Variants in KAZN observed in about 807,000 individuals in gnomAD.
KAZN encodes kazrin.
A neutral mutation model predicts 87.4 loss-of-function variants in KAZN; 40 were observed. The observed-to-expected ratio is 0.46, with a 90% CI of 0.36 to 0.60. The LOEUF (loss-of-function observed/expected upper bound fraction) is 0.60, where lower values mean the gene tolerates loss of function less well. Ranked by LOEUF, KAZN falls within the 20% of genes least tolerant of loss-of-function variation. KAZN has a pLI of 0.00. For missense variants in KAZN, 898 were observed against 1,073.9 expected (o/e 0.84, Z 2.29); for synonymous variants, 466 against 458.3 (o/e 1.02, Z -0.22).
rs974078569 is a variant in KAZN at position 15,096,083 on chromosome 1, C to A, written c.1547+1150C>A. 7.9e-5 allele frequency among the ~76,000 whole-genome samples: 12 copies of A among 152,130 alleles called. No individual in the cohort carries two copies. The highest frequency in any genetic ancestry group is 6.5e-5 in the Admixed American group (1 of 15,276). ...CCAAAAACACCTTACACCCAGCACCCACCTCCTAACCAGTTCCATCCAGGA... is the reference window on the plus strand; with the variant it reads ...CCAAAAACACCTTACACCCAGCACCAACCTCCTAACCAGTTCCATCCAGGA... On this transcript the variant is annotated intron_variant, in intron 10 of 14. Transcript: ENST00000376030. The surrounding 1 kb of genome is among the most constrained non-coding windows in gnomAD (Gnocchi z 4.5).
intron 1 of KAZN, among the ~76,000 whole-genome samples, chr1:14,630,390 C>G (rs1679476075): frequency 6.6e-6 from 1 of 152,120 alleles, no homozygotes; most frequent in Non-Finnish European, 1.5e-5. Context: ...TGTCTGTATA[C>G]TCAACTATGA....
At chr1:14,299,928 A>G (rs558356397) in intron 2 of KAZN, among the ~76,000 whole-genome samples, 1 of 152,164 alleles carries the variant, frequency 6.6e-6, no homozygotes, top group South Asian at 2.1e-4. Context: ...CATTAAGGCA[A>G]TTACAGTGGT....
intron 2 of KAZN, among the ~76,000 whole-genome samples, chr1:14,545,122 T>C (rs114808741): frequency 0.015 from 2,275 of 152,308 alleles, 31 homozygotes; most frequent in Non-Finnish European, 0.023. Flanking sequence ...TTCCTTATAA[T>C]CTTATTTCTC....
intron 2 of KAZN, among the ~76,000 whole-genome samples, chr1:14,341,476 T>C (rs1411388451): frequency 1.3e-5 from 2 of 152,210 alleles, no homozygotes; most frequent in Non-Finnish European, 2.9e-5. Flanking sequence ...ACAGCACCAC[T>C]GTCCTTGTGT....
intron 2 of KAZN, among the ~76,000 whole-genome samples, chr1:14,578,347 C>T (rs532863200): frequency 1.0e-3 from 155 of 152,122 alleles, no homozygotes; most frequent in African/African-American, 3.4e-3. Flanking sequence ...TAAAGGAGCC[C>T]GTGATATTTC....
chr1:14,408,862 G>A (rs1448313292), intron 2 of KAZN, among the ~76,000 whole-genome samples: 10 of 151,930 alleles, frequency 6.6e-5, no homozygotes, highest in East Asian at 1.9e-4. Context: ...TATGGATTGT[G>A]ATCAATTCCA....
intron 1 of KAZN, among the ~76,000 whole-genome samples, chr1:14,139,505 AT>A (rs910980168): frequency 1.3e-5 from 2 of 152,158 alleles, no homozygotes; most frequent in African/African-American, 4.8e-5. Flanking sequence ...CGGCTAGGGA[AT>A]TTTTGTTGTT....
chr1:14,382,936 C>T (rs564535130), intron 2 of KAZN, among the ~76,000 whole-genome samples: 439 of 151,728 alleles, frequency 2.9e-3, no homozygotes, highest in African/African-American at 9.3e-3. Context: ...GTCCCACCAA[C>T]GGTGTAAAAG....
chr1:14,755,086 G>GAAAA (rs763767893), intron 1 of KAZN, among the ~76,000 whole-genome samples: 6,173 of 49,522 alleles, frequency 0.12, 246 homozygotes, highest in Non-Finnish European at 0.17. Context: ...TACTAAAAAT[G>GAAAA]CAAAAAAAAA....
At chr1:14,827,328 T>G (rs1194986654) in intron 1 of KAZN, among the ~76,000 whole-genome samples, 2 of 152,028 alleles carry the variant, frequency 1.3e-5, no homozygotes, top group African/African-American at 4.8e-5. Flanking sequence ...TCTTTAGTGG[T>G]GATTTGTGAG....
chr1:14,290,511 T>C (rs1220048926), intron 2 of KAZN, among the ~76,000 whole-genome samples: 3 of 152,242 alleles, frequency 2.0e-5, no homozygotes, highest in Admixed American at 6.5e-5. Flanking sequence ...TCTTGTGCCA[T>C]GATTTTCAGC....
chr1:15,041,027 T>C (rs1215029912), intron 3 of KAZN, among the ~76,000 whole-genome samples: 2 of 152,028 alleles, frequency 1.3e-5, no homozygotes. Flanking sequence ...CTCCACTCAC[T>C]GCAACTTCTG....
chr1:13,975,095 T>C (rs1383368090), intron 1 of KAZN, among the ~76,000 whole-genome samples: 1 of 152,186 alleles, frequency 6.6e-6, no homozygotes, highest in Non-Finnish European at 1.5e-5. Context: ...TAAGAACAGA[T>C]GGGGACTCTG....
chr1:13,991,442 TA>T (rs571503986), intron 1 of KAZN, among the ~76,000 whole-genome samples: 1 of 144,910 alleles, frequency 6.9e-6, no homozygotes, highest in East Asian at 2.0e-4. Flanking sequence ...AGTATGATAA[TA>T]AAAAAAGGGG....
At chr1:15,050,617 G>A (rs1474816479) in intron 4 of KAZN, among the ~76,000 whole-genome samples, 2 of 152,150 alleles carry the variant, frequency 1.3e-5, no homozygotes, top group Non-Finnish European at 2.9e-5. Context: ...AAAGCAGTCT[G>A]CCCCAAATGT....
intron 2 of KAZN, among the ~76,000 whole-genome samples, chr1:14,586,524 G>GT (rs1166995531): frequency 7.6e-6 from 1 of 131,722 alleles, no homozygotes; most frequent in African/African-American, 2.9e-5. Context: ...TTTTCTTTCT[G>GT]GTTTTTTTTT....
At chr1:14,142,292 GCA>G (rs748371760) in intron 1 of KAZN, among the ~76,000 whole-genome samples, 17 of 152,110 alleles carry the variant, frequency 1.1e-4, no homozygotes, top group Non-Finnish European at 2.4e-4. Context: ...CCTGGTGCAT[GCA>G]CAATTAGAAG....
intron 2 of KAZN, among the ~76,000 whole-genome samples, chr1:14,567,540 A>T (rs1398769671): frequency 3.3e-5 from 5 of 152,234 alleles, no homozygotes; most frequent in African/African-American, 1.2e-4. Flanking sequence ...AAAAATATGT[A>T]ATACCTGCAA....
chr1:14,258,208 TTCTTTCTTTC>T (rs1317808374), intron 2 of KAZN, among the ~76,000 whole-genome samples: 3 of 110,922 alleles, frequency 2.7e-5, no homozygotes, highest in East Asian at 5.9e-4. Context: ...CTTTCTTTCT[TTCTTTCTTTC>T]TTTTTTTTTT....
Sources: allele counts gnomAD v4.1 joint callset (sites outside exome capture counted in the v4.1 genomes callset), GRCh38; gene constraint gnomAD v4.1.1; non-coding constraint Gnocchi (gnomAD v3.1); transcripts MANE v1.5; gene names NCBI Gene and HGNC (gene_info 2026-07-23, HGNC 2026-07-21).